EYS: variants seen among roughly 807,000 people sequenced by gnomAD.
EYS encodes EGF-like photoreceptor maintenance factor.
Under a neutral mutation model 282.1 loss-of-function variants are expected in EYS, and 250 were observed. The observed-to-expected ratio is 0.89, with a 90% CI of 0.80 to 0.98. The LOEUF (loss-of-function observed/expected upper bound fraction) is 0.98, where lower values mean the gene tolerates loss of function less well. Ranked by LOEUF, EYS falls within the 50% of genes least tolerant of loss-of-function variation. The pLI, the probability that EYS is intolerant of heterozygous loss-of-function variation, is 0.00. For synonymous variants in EYS, 1,355 were observed against 1,282.9 expected (o/e 1.06, Z -1.20); for missense variants, 4,016 against 3,709.0 (o/e 1.08, Z -2.15).
At chr6:65,501,843 A>G (rs180930333) in intron 2 of EYS, among the ~76,000 whole-genome samples, 1 of 151,776 alleles carries the variant, frequency 6.6e-6, no homozygotes, top group Admixed American at 6.6e-5. Flanking sequence ...CGTTATCTAG[A>G]GGGTGAAAAT....
intron 29 of EYS, among the ~76,000 whole-genome samples, chr6:64,355,041 C>T (rs1391641778): frequency 6.6e-6 from 1 of 151,516 alleles, no homozygotes; most frequent in African/African-American, 2.4e-5. Flanking sequence ...TAAAACAACT[C>T]AGGACCAAAA....
chr6:63,740,147 C>A (rs1769036739), intron 41 of EYS, among the ~76,000 whole-genome samples: 1 of 152,122 alleles, frequency 6.6e-6, no homozygotes, highest in Admixed American at 6.5e-5. Context: ...TTAATTAAGA[C>A]CCTGATATGG....
intron 5 of EYS, among the ~76,000 whole-genome samples, chr6:65,460,502 A>C (rs1210118081): frequency 6.6e-6 from 1 of 152,054 alleles, no homozygotes; most frequent in African/African-American, 2.4e-5. Flanking sequence ...ATCAGACCTG[A>C]TAATTTGGAC....
intron 35 of EYS, among the ~76,000 whole-genome samples, chr6:63,947,979 A>G (rs1052941850): frequency 2.0e-5 from 3 of 152,228 alleles, no homozygotes; most frequent in Non-Finnish European, 4.4e-5. Context: ...CGTTGCTCAC[A>G]TTACATTCTG....
intron 1 of EYS, among the ~76,000 whole-genome samples, chr6:65,656,424 C>A (rs1250084513): frequency 6.6e-6 from 1 of 151,788 alleles, no homozygotes; most frequent in Admixed American, 6.6e-5. Flanking sequence ...AGGGAAAGTG[C>A]TATTTCAGTG....
intron 22 of EYS, among the ~76,000 whole-genome samples, chr6:64,637,974 A>T (rs7753106): frequency 0.88 from 76,757 of 87,286 alleles, 37,529 homozygotes; most frequent in East Asian, 1. Flanking sequence ...ATCACCTTTT[A>T]AAAAAAAGAG....
chr6:65,406,368 C>T (rs1369566316), intron 5 of EYS, among the ~76,000 whole-genome samples: 1 of 151,978 alleles, frequency 6.6e-6, no homozygotes, highest in East Asian at 1.9e-4. Context: ...CATTTTCTCA[C>T]TTGTTGACAT....
At chr6:64,178,455 G>A (rs1224039895) in intron 31 of EYS, among the ~76,000 whole-genome samples, 1 of 152,010 alleles carries the variant, frequency 6.6e-6, no homozygotes, top group African/African-American at 2.4e-5. Flanking sequence ...AATACATGGT[G>A]ATCAATCATT....
chr6:63,927,748 A>C (rs1384071792), intron 35 of EYS, among the ~76,000 whole-genome samples: 1 of 152,240 alleles, frequency 6.6e-6, no homozygotes, highest in Non-Finnish European at 1.5e-5. Flanking sequence ...TAGAAACAGA[A>C]GCCAGGCTTC....
At chr6:64,081,413 C>A (rs903341892) in intron 32 of EYS, among the ~76,000 whole-genome samples, 1 of 151,780 alleles carries the variant, frequency 6.6e-6, no homozygotes, top group African/African-American at 2.4e-5. Context: ...AAAAAAAAAC[C>A]AGCTTATATC....
At chr6:65,023,399 G>A (rs1426109175) in intron 13 of EYS, among the ~76,000 whole-genome samples, 2 of 152,054 alleles carry the variant, frequency 1.3e-5, no homozygotes, top group East Asian at 3.9e-4. Context: ...TAAATATAAA[G>A]AGATTTTTAA....
At chr6:65,481,988 A>G (rs936334377) in intron 5 of EYS, among the ~76,000 whole-genome samples, 1 of 152,216 alleles carries the variant, frequency 6.6e-6, no homozygotes, top group Non-Finnish European at 1.5e-5. Context: ...AGGAAGACTC[A>G]GTTCTTTATC....
intron 1 of EYS, among the ~76,000 whole-genome samples, chr6:65,684,270 A>T (rs985303004): frequency 6.6e-6 from 1 of 152,032 alleles, no homozygotes; most frequent in Non-Finnish European, 1.5e-5. Flanking sequence ...AAAAATAGCA[A>T]ATCCTCTTAT....
intron 19 of EYS, among the ~76,000 whole-genome samples, chr6:64,855,096 A>G (rs763760897): frequency 6.6e-6 from 1 of 151,952 alleles, no homozygotes; most frequent in Non-Finnish European, 1.5e-5. Flanking sequence ...AAGATTATCT[A>G]CGGTTTGCAT....
At chr6:65,421,568 A>C (rs1309602983) in intron 5 of EYS, among the ~76,000 whole-genome samples, 2 of 151,850 alleles carry the variant, frequency 1.3e-5, no homozygotes, top group African/African-American at 4.8e-5. Context: ...GTTCCTTTGC[A>C]TTCACAACTT....
At chr6:65,512,231 G>C (rs2127289878) in intron 2 of EYS, among the ~76,000 whole-genome samples, 1 of 152,104 alleles carries the variant, frequency 6.6e-6, no homozygotes, top group African/African-American at 2.4e-5. Flanking sequence ...GGTGGCTCAT[G>C]CCTGTAATCC....
At chr6:64,739,308 TA>T (rs1408968352) in intron 22 of EYS, among the ~76,000 whole-genome samples, 1 of 152,174 alleles carries the variant, frequency 6.6e-6, no homozygotes, top group African/African-American at 2.4e-5. Flanking sequence ...GAGGAACTTG[TA>T]ATATAGTAGT....
At chr6:64,517,557 A>T (rs113381847) in intron 26 of EYS, among the ~76,000 whole-genome samples, 2 of 151,792 alleles carry the variant, frequency 1.3e-5, no homozygotes, top group Non-Finnish European at 2.9e-5. Context: ...GTTGTTGGAG[A>T]ACAAGCGGAC....
At chr6:65,421,469 C>T (rs1200200109) in intron 5 of EYS, among the ~76,000 whole-genome samples, 2 of 151,608 alleles carry the variant, frequency 1.3e-5, no homozygotes, top group Admixed American at 6.6e-5. Flanking sequence ...AGACCACTAA[C>T]ATTTTCTTCA....
Sources: allele counts gnomAD v4.1 joint callset (sites outside exome capture counted in the v4.1 genomes callset), GRCh38; gene constraint gnomAD v4.1.1; transcripts MANE v1.5; gene names NCBI Gene and HGNC (gene_info 2026-07-23, HGNC 2026-07-21).